Variants in RAPGEF5 observed in about 807,000 individuals in gnomAD.
RAPGEF5 encodes Rap guanine nucleotide exchange factor 5.
RAPGEF5 carries 65 observed loss-of-function variants against 125.2 expected under a neutral mutation model. The ratio of observed to expected loss-of-function variants is 0.52; its 90% CI spans 0.43 to 0.64. The LOEUF is 0.64. Ranked by LOEUF, RAPGEF5 falls within the 30% of genes least tolerant of loss-of-function variation. The probability of loss-of-function intolerance (pLI) is 0.00; values close to 1 mark genes in which losing one functional copy is unlikely to be tolerated. For missense variants in RAPGEF5, 958 were observed against 1,048.1 expected (o/e 0.91, Z 1.19); for synonymous variants, 391 against 385.9 (o/e 1.01, Z -0.16).
At chr7:22,123,954 T>G (rs1782659394) in intron 25 of RAPGEF5, among the ~76,000 whole-genome samples, 1 of 152,262 alleles carries the variant, frequency 6.6e-6, no homozygotes, top group African/African-American at 2.4e-5. Flanking sequence ...ATGCTGACAT[T>G]GGTTTACTAT....
At position 22,313,900 on chromosome 7, in the gene RAPGEF5, A is replaced by G. The variant is rs1783531769; in HGVS notation, c.389+1470T>C. Among the ~76,000 whole-genome samples the G allele has an allele frequency of 2.6e-5, 4 of 152,280 alleles. No individual in the cohort carries two copies. The South Asian group carries it at 8.3e-4, about 32-fold the overall frequency. On this transcript the variant is annotated intron_variant, in intron 3 of 25. Transcript: ENST00000665637. ...AGCCCTTTTACTCCCTGTCCTGTCT[A>G]CTTGGTCTGGGCTCTAACCTCATGG...
intron 11 of RAPGEF5, among the ~76,000 whole-genome samples, chr7:22,167,499 A>AGAT (rs1784208691): frequency 6.6e-6 from 1 of 152,150 alleles, no homozygotes; most frequent in African/African-American, 2.4e-5. Context: ...ATTTTACAAG[A>AGAT]CTTCTGAGGT....
intron 1 of RAPGEF5, among the ~76,000 whole-genome samples, chr7:22,326,589 G>A (rs1033621481): frequency 3.9e-5 from 6 of 152,244 alleles, no homozygotes; most frequent in East Asian, 1.9e-4. Context: ...TTATTAGTAA[G>A]AACTCTTAAT....
At chr7:22,154,678 ACC>A in intron 16 of RAPGEF5, 74 bp from the exon 17 acceptor site, 1 of 1,506,164 alleles carries the variant, frequency 6.6e-7, no homozygotes, top group South Asian at 1.3e-5. Context: ...AAATCAAGGC[ACC>A]TTGATCAACT....
chr7:22,125,545 C>G, intron 25 of RAPGEF5, 59 bp downstream of exon 25: 2 of 1,498,688 alleles, frequency 1.3e-6, no homozygotes, highest in Non-Finnish European at 1.9e-6. Flanking sequence ...ATACTTGTGA[C>G]CACAGTTGGT....
intron 24 of RAPGEF5, among the ~76,000 whole-genome samples, chr7:22,129,761 G>A (rs1258138541): frequency 4.6e-5 from 7 of 152,140 alleles, no homozygotes; most frequent in Admixed American, 3.3e-4. Flanking sequence ...AGCACTAGCC[G>A]TGAAGTGATG....
At chr7:22,229,126 G>A (rs528277876) in intron 8 of RAPGEF5, among the ~76,000 whole-genome samples, 4 of 152,120 alleles carry the variant, frequency 2.6e-5, no homozygotes, top group Admixed American at 2.6e-4. Flanking sequence ...AAGGAAGAAG[G>A]GCTGGCAGGT....
Position 22,175,092 on chromosome 7 carries a change from G to GA in RAPGEF5, c.1205-7945dup, listed in dbSNP as rs543643876. Among the ~76,000 whole-genome samples the GA allele has an allele frequency of 2.2e-4, 33 of 152,248 alleles. 1 individual carries two copies. In the East Asian group the frequency reaches 5.0e-3, roughly 23 times the overall value. On this transcript the variant is annotated intron_variant, in intron 11 of 25. Transcript: ENST00000665637. ...AGAAGGAGGAGAGAAACAGAATAAA[G>GA]AGAAACGAATGTACAGTCAATAGCC...
Position 22,202,821 on chromosome 7 carries a change from A to C in RAPGEF5, c.997-8788T>G, listed in dbSNP as rs114994851. ...TTGCCACTTTCTAGCTGGGTGGTCT[A>C]TCTCTCTGAGCATCAGCTTTCTTGC... On this transcript the variant is annotated intron_variant, in intron 9 of 25. Coordinates refer to ENST00000665637, the MANE Select transcript of RAPGEF5 (RefSeq NM_012294.5). The C allele has an allele frequency of 7.5e-4, 155 of 206,528 alleles. 1 individual carries two copies. The highest frequency in any genetic ancestry group is 3.6e-3 in the African/African-American group (153 of 42,860). 12.8% of individuals were successfully genotyped at this position (206,528 alleles called of 1,614,324 possible). A position where few individuals can be genotyped will look rare whatever the true frequency, so the allele number is the denominator to read the frequency against.
intron 9 of RAPGEF5, among the ~76,000 whole-genome samples, chr7:22,217,554 T>C (rs1169528578): frequency 1.3e-5 from 2 of 152,192 alleles, no homozygotes; most frequent in Non-Finnish European, 2.9e-5. Context: ...ATTCATTTAG[T>C]GGAGGACTAC....
At chr7:22,174,658 T>G (rs1326660694) in intron 11 of RAPGEF5, among the ~76,000 whole-genome samples, 1 of 152,164 alleles carries the variant, frequency 6.6e-6, no homozygotes, top group Non-Finnish European at 1.5e-5. Flanking sequence ...TTGGAGGAAA[T>G]TCCTGAAGGA....
chr7:22,291,544 G>A (rs1419913177), intron 5 of RAPGEF5, among the ~76,000 whole-genome samples: 2 of 152,162 alleles, frequency 1.3e-5, no homozygotes, highest in Non-Finnish European at 2.9e-5. Context: ...AAATATATGG[G>A]CTTGCACAGA....
chr7:22,304,443 A>G (rs1447719696), intron 5 of RAPGEF5, among the ~76,000 whole-genome samples: 1 of 152,244 alleles, frequency 6.6e-6, no homozygotes, highest in Admixed American at 6.5e-5. Context: ...AAAGACTGCA[A>G]GTAATCTGGA....
intron 3 of RAPGEF5, among the ~76,000 whole-genome samples, chr7:22,313,546 C>A (rs560738853): frequency 3.9e-5 from 6 of 152,338 alleles, no homozygotes; most frequent in Admixed American, 1.3e-4. Flanking sequence ...CATGCTCTCT[C>A]CCCATTCTAT....
At chr7:22,310,482 C>T (rs1023233548) in intron 3 of RAPGEF5, among the ~76,000 whole-genome samples, 3 of 152,138 alleles carry the variant, frequency 2.0e-5, no homozygotes, top group African/African-American at 4.8e-5. Context: ...GTTTGAAAAA[C>T]GAAGGAATAA....
intron 8 of RAPGEF5, among the ~76,000 whole-genome samples, chr7:22,224,782 T>G (rs1289443924): frequency 1.3e-5 from 2 of 152,010 alleles, no homozygotes; most frequent in Admixed American, 1.3e-4. Flanking sequence ...AGACTCGATT[T>G]GGAGACAGTC....
At chr7:22,180,610 A>ATCT (rs1784644933) in intron 11 of RAPGEF5, among the ~76,000 whole-genome samples, 1 of 152,164 alleles carries the variant, frequency 6.6e-6, no homozygotes, top group African/African-American at 2.4e-5. Flanking sequence ...TACCATGTTT[A>ATCT]AATCATCATT....
intron 11 of RAPGEF5, 25 bp downstream of exon 11, chr7:22,193,342 A>C (rs1442070810): frequency 6.4e-7 from 1 of 1,560,388 alleles, no homozygotes; most frequent in South Asian, 1.2e-5. Flanking sequence ...ATCAGTCTGG[A>C]AGCATGAGCT....
At chr7:22,345,645 G>C (rs1463423373) in intron 1 of RAPGEF5, among the ~76,000 whole-genome samples, 6 of 147,116 alleles carry the variant, frequency 4.1e-5, no homozygotes, top group Non-Finnish European at 9.0e-5. Context: ...GCTTTTTTAA[G>C]ATCTAGCTTC....
Sources: allele counts gnomAD v4.1 joint callset (sites outside exome capture counted in the v4.1 genomes callset), GRCh38; gene constraint gnomAD v4.1.1; transcripts MANE v1.5; gene names NCBI Gene and HGNC (gene_info 2026-07-23, HGNC 2026-07-21).